Variants in PGAP1 observed in about 807,000 individuals in gnomAD.
The protein encoded by PGAP1 is GPI inositol-deacylase.
A neutral mutation model predicts 127.0 loss-of-function variants in PGAP1; 76 were observed. That is an observed-to-expected ratio of 0.60 (90% CI 0.50 to 0.72). The LOEUF (loss-of-function observed/expected upper bound fraction) is 0.72. Ranked by LOEUF, PGAP1 falls within the 30% of genes least tolerant of loss-of-function variation. The probability of loss-of-function intolerance (pLI) is 0.00; values close to 1 mark genes in which losing one functional copy is unlikely to be tolerated. For synonymous variants in PGAP1, 362 were observed against 366.5 expected (o/e 0.99, Z 0.14); for missense variants, 982 against 1,071.3 (o/e 0.92, Z 1.16).
intron 17 of PGAP1, 170 bp downstream of exon 17, chr2:196,872,790 T>A (rs1271900923): frequency 3.6e-6 from 2 of 557,892 alleles, no homozygotes; most frequent in Non-Finnish European, 6.3e-6. Flanking sequence ...TTAAGTTCTC[T>A]ATCATTTCAT....
At chr2:196,865,268 G>T (rs781204540) in intron 19 of PGAP1, among the ~76,000 whole-genome samples, 188 bp from the exon 20 acceptor site, 12 of 152,098 alleles carry the variant, frequency 7.9e-5, no homozygotes, top group Non-Finnish European at 1.6e-4. Flanking sequence ...AAATGTATCT[G>T]AATTTTTCAT....
chr2:196,913,195 T>C (rs1702891459), intron 3 of PGAP1, 142 bp from the exon 4 acceptor site: 1 of 733,744 alleles, frequency 1.4e-6, no homozygotes, highest in South Asian at 2.1e-5. Context: ...GGTACAGAAA[T>C]ACATTTTCAT....
Position 196,915,886 on chromosome 2 carries a change from A to G in PGAP1, c.477+532T>C, listed in dbSNP as rs192297057. 1.2e-4 allele frequency among the ~76,000 whole-genome samples: 18 copies of G among 152,170 alleles called. No homozygotes were observed. In the East Asian group the frequency reaches 1.9e-3, roughly 16 times the overall value. On this transcript the variant is annotated intron_variant, in intron 3 of 26. Coordinates refer to ENST00000354764, the MANE Select transcript of PGAP1 (RefSeq NM_024989.4). Reference sequence around the variant, plus strand: ...GCTGCTTCAGCAGCCCCCAATTCCAATTCTCTGCTTTCTTTAGCTAAGTGA... The same window carrying G: ...GCTGCTTCAGCAGCCCCCAATTCCAGTTCTCTGCTTTCTTTAGCTAAGTGA...
chr2:196,897,323 A>G (rs1702315177), intron 6 of PGAP1, 126 bp from the exon 7 acceptor site: 2 of 478,022 alleles, frequency 4.2e-6, no homozygotes, highest in South Asian at 9.2e-5. Flanking sequence ...CTCAAAAATT[A>G]TGTAACAAAT....
At chr2:196,911,680 T>C (rs1007577686) in intron 4 of PGAP1, among the ~76,000 whole-genome samples, 1 of 150,264 alleles carries the variant, frequency 6.7e-6, no homozygotes, top group Non-Finnish European at 1.5e-5. Flanking sequence ...TATATACATT[T>C]ACTAACCAGA....
chr2:196,853,197 TCC>T (rs1700774515), intron 20 of PGAP1, among the ~76,000 whole-genome samples: 1 of 152,234 alleles, frequency 6.6e-6, no homozygotes, highest in South Asian at 2.1e-4. Context: ...TCTTCCTCTC[TCC>T]CTTTGAGAAG....
chr2:196,868,746 A>G (rs1701320289), intron 19 of PGAP1, among the ~76,000 whole-genome samples: 1 of 152,184 alleles, frequency 6.6e-6, no homozygotes, highest in Admixed American at 6.5e-5. Flanking sequence ...TCAGAAAAAA[A>G]TTTAACTTTA....
intron 10 of PGAP1, among the ~76,000 whole-genome samples, chr2:196,888,133 G>A (rs922909261): frequency 2.0e-5 from 3 of 152,044 alleles, no homozygotes; most frequent in African/African-American, 7.2e-5. Flanking sequence ...GATGTCAAAA[G>A]GTGAACTAAT....
chr2:196,857,611 T>C (rs1232800638), intron 20 of PGAP1, among the ~76,000 whole-genome samples: 1 of 152,230 alleles, frequency 6.6e-6, no homozygotes, highest in Non-Finnish European at 1.5e-5. Context: ...AGAATCAACA[T>C]GGTCATTTGT....
At chr2:196,882,074 C>A (rs1701752153) in intron 12 of PGAP1, among the ~76,000 whole-genome samples, 2 of 152,182 alleles carry the variant, frequency 1.3e-5, no homozygotes. Flanking sequence ...TAAGGCTAGG[C>A]AGTTATCCCA....
At chr2:196,911,671 A>G (rs1044239983) in intron 4 of PGAP1, among the ~76,000 whole-genome samples, 1 of 151,148 alleles carries the variant, frequency 6.6e-6, no homozygotes, top group African/African-American at 2.4e-5. Flanking sequence ...GTAAGAAGCT[A>G]TATACATTTA....
chr2:196,889,789 G>C (rs1023736982), intron 10 of PGAP1, among the ~76,000 whole-genome samples: 1 of 150,222 alleles, frequency 6.7e-6, no homozygotes, highest in Non-Finnish European at 1.5e-5. Flanking sequence ...AACCCGGGAG[G>C]TGGAGCTTGC....
Position 196,865,041 on chromosome 2 carries a change from C to G in PGAP1, c.1807G>C (p.Val603Leu). 6.4e-7 allele frequency: 1 copy of G among 1,569,886 alleles called. No individual in the cohort carries two copies. Among genetic ancestry groups the G allele is most frequent in the Non-Finnish European group, 8.6e-7 (1 of 1,165,190 alleles). The change falls in exon 20 of 27, where the codon GTA becomes CTA. Residue 603 changes from valine (V) to leucine (L), a missense_variant. Transcript: ENST00000354764. ...FHGGALPAYV[V>L]SNILLAYRGQ... ...CTATAAGCAAGAAGGATATTAGATACGACATAAGCAGGAAGAGCTCCACCA... is the reference window on the plus strand; with the variant it reads ...CTATAAGCAAGAAGGATATTAGATAGGACATAAGCAGGAAGAGCTCCACCA...
chr2:196,852,305 T>C (rs1700745200), intron 20 of PGAP1, among the ~76,000 whole-genome samples: 1 of 152,112 alleles, frequency 6.6e-6, no homozygotes, highest in African/African-American at 2.4e-5. Context: ...CAGATTGGCT[T>C]CAATAAATGA....
At chr2:196,879,096 T>C (rs775075339) in intron 13 of PGAP1, among the ~76,000 whole-genome samples, 1 of 152,132 alleles carries the variant, frequency 6.6e-6, no homozygotes. Flanking sequence ...GGGGTCTCAT[T>C]ATGTTGACCG....
chr2:196,899,097 A>G (rs982217594), intron 5 of PGAP1, among the ~76,000 whole-genome samples: 7 of 152,228 alleles, frequency 4.6e-5, no homozygotes, highest in African/African-American at 1.4e-4. Context: ...CTCTGTGAAT[A>G]GCATCTCACA....
At chr2:196,843,189 T>C (rs1265620270) in intron 25 of PGAP1, among the ~76,000 whole-genome samples, 1 of 152,198 alleles carries the variant, frequency 6.6e-6, no homozygotes, top group African/African-American at 2.4e-5. Context: ...TTCATGAAGT[T>C]AATTGTCCCT....
Position 196,840,013 on chromosome 2 carries a change from G to A in PGAP1, c.*1221C>T, listed in dbSNP as rs947814724. 1 of 152,178 alleles carries A rather than the reference G, an allele frequency of 6.6e-6. No individual in the cohort carries two copies. The highest frequency in any genetic ancestry group is 6.5e-5 in the Admixed American group (1 of 15,268). 9.4% of individuals were successfully genotyped at this position (152,178 alleles called of 1,614,324 possible). On this transcript the variant is annotated 3_prime_UTR_variant, in exon 27 of 27. Coordinates refer to ENST00000354764, the MANE Select transcript of PGAP1 (RefSeq NM_024989.4). ...AGTTTACGCTATCCTAAGGCAAAGA[G>A]TATACTCTTCTGCCTTGCCGATTAC...
At chr2:196,905,023 A>G (rs1702647428) in intron 4 of PGAP1, among the ~76,000 whole-genome samples, 1 of 152,222 alleles carries the variant, frequency 6.6e-6, no homozygotes. Context: ...AGTAAAATAA[A>G]AAGAATAAAT....
Sources: gnomAD v4.1 joint callset for allele counts (sites outside exome capture counted in the v4.1 genomes callset) on GRCh38, gnomAD v4.1.1 for gene constraint, MANE v1.5 for transcripts, NCBI Gene and HGNC (gene_info 2026-07-23, HGNC 2026-07-21) for gene names.